The following NHSL1 variants were observed in gnomAD, a reference collection of about 807,000 sequenced individuals.
NHSL1 encodes the protein NHS like 1.
Under a neutral mutation model 95.0 loss-of-function variants are expected in NHSL1, and 48 were observed. The ratio of observed to expected loss-of-function variants is 0.51; its 90% CI spans 0.40 to 0.64. The LOEUF (loss-of-function observed/expected upper bound fraction) is 0.64. Among genes scored for constraint, NHSL1 ranks in the 30% least tolerant of loss-of-function variants. NHSL1 has a pLI of 0.00. For synonymous variants in NHSL1, 783 were observed against 833.9 expected (o/e 0.94, Z 1.05); for missense variants, 1,971 against 2,077.7 (o/e 0.95, Z 1.00).
At chr6:138,655,373 C>T (rs560584540) in intron 1 of NHSL1, among the ~76,000 whole-genome samples, 4 of 152,268 alleles carry the variant, frequency 2.6e-5, no homozygotes, top group South Asian at 4.1e-4. Flanking sequence ...AGTTACCAAC[C>T]GCTCTCCCGC....
At chr6:138,591,281 T>C (rs2114524515) in intron 1 of NHSL1, among the ~76,000 whole-genome samples, 1 of 152,368 alleles carries the variant, frequency 6.6e-6, no homozygotes, top group African/African-American at 2.4e-5. Flanking sequence ...AGTTTTCAAA[T>C]ATTATTTAAA....
Position 138,692,464 on chromosome 6 carries a change from C to T in NHSL1, c.96+12G>A, listed in dbSNP as rs1424356559. On this transcript the variant is annotated intron_variant, in intron 1 of 3. Coordinates refer to the NHSL1 transcript ENST00000491526. This position sits in a 1 kb window ranked among gnomAD's most constrained non-coding sequence, Gnocchi z 4.0. ...CCGCCGGTTCCCCTCCCCCGGCCCGCCGGCCACTCACGGATTTTCACTCGG... is the reference window on the plus strand; with the variant it reads ...CCGCCGGTTCCCCTCCCCCGGCCCGTCGGCCACTCACGGATTTTCACTCGG... The T allele has an allele frequency of 9.8e-6, 2 of 204,678 alleles. No individual in the cohort carries two copies. The highest frequency in any genetic ancestry group is 1.9e-5 in the Non-Finnish European group (2 of 103,090). The allele number at this position is 204,678 out of a possible 1,614,324, so 12.7% of individuals were successfully genotyped here.
Position 138,431,731 on chromosome 6 carries a change from C to T in NHSL1, c.2614G>A (p.Val872Met), listed in dbSNP as rs2128198679. ...LTPVPVFLKS[V>M]SPANGKGKPK... Reference sequence around the variant, plus strand: ...TTCCCCTTCCCGTTTGCTGGTGACACTGATTTTAAAAACACAGGCACAGGG... The same window carrying T: ...TTCCCCTTCCCGTTTGCTGGTGACATTGATTTTAAAAACACAGGCACAGGG... The change falls in exon 6 of 8, where the codon GTG becomes ATG. Residue 872 changes from valine to methionine, a missense_variant. Coordinates refer to ENST00000343505, the MANE Select transcript of NHSL1 (RefSeq NM_001144060.2). The surrounding 1 kb of genome is among the most constrained non-coding windows in gnomAD (Gnocchi z 4.0). 6.4e-7 allele frequency: 1 copy of T among 1,551,778 alleles called. No individual in the cohort carries two copies. The highest frequency in any genetic ancestry group is 1.4e-5 in the African/African-American group (1 of 73,172).
At position 138,431,694 on chromosome 6, in the gene NHSL1, T is replaced by C. The variant is rs1337268793; in HGVS notation, c.2651A>G (p.Lys884Arg). 1.5e-5 allele frequency: 23 copies of C among 1,551,742 alleles called. No individual in the cohort carries two copies. The highest frequency in any genetic ancestry group is 1.7e-4 in the Middle Eastern group (1 of 5,992). ...PANGKGKPKP[K>R]VPERKSSLIS... ...CAGAGAGGACTTCCTTTCTGGTACC[T>C]TGGGCTTGGGCTTCCCCTTCCCGTT... Residue 884 changes from lysine to arginine, a missense_variant, in exon 6 of 8, where the codon AAG becomes AGG. By Grantham distance (26) the Lys-to-Arg change is conservative (BLOSUM62 2). Around this residue, in one of 3 missense-constraint regions of NHSL1, gnomAD observed 1,602 missense variants for 1,654.5 expected, o/e 0.97. Transcript: ENST00000343505. The surrounding 1 kb of genome is among the most constrained non-coding windows in gnomAD (Gnocchi z 4.0).
chr6:138,613,783 C>G (rs1285153949), intron 1 of NHSL1, among the ~76,000 whole-genome samples: 3 of 152,122 alleles, frequency 2.0e-5, no homozygotes, highest in African/African-American at 7.2e-5. Context: ...AGAGGGGAAG[C>G]GAATTAGGCT....
At chr6:138,453,972 G>T (rs996647903) in intron 3 of NHSL1, among the ~76,000 whole-genome samples, 1 of 152,164 alleles carries the variant, frequency 6.6e-6, no homozygotes, top group Non-Finnish European at 1.5e-5. Flanking sequence ...TGTTTAAACT[G>T]ATACAGTAAG....
At chr6:138,500,851 C>T (rs1780638176), upstream of NHSL1, among the ~76,000 whole-genome samples, 1 of 152,186 alleles carries the variant, frequency 6.6e-6, no homozygotes, top group Non-Finnish European at 1.5e-5. Context: ...TCTTATCATA[C>T]ATATTATCAC....
chr6:138,575,069 T>C (rs955818422), upstream of NHSL1, among the ~76,000 whole-genome samples: 1 of 152,042 alleles, frequency 6.6e-6, no homozygotes, highest in African/African-American at 2.4e-5. Context: ...CCAGCTAATT[T>C]TGTATTTTTA....
chr6:138,673,638 T>G (rs1292953825), intron 1 of NHSL1, among the ~76,000 whole-genome samples: 2 of 152,158 alleles, frequency 1.3e-5, no homozygotes, highest in African/African-American at 2.4e-5. Flanking sequence ...GAAAGAAAAA[T>G]GTGACCTCTC....
At chr6:138,455,507 A>ATGCTCCCTGCAAGGAGCCCCGCCTTCG (rs1777539739) in intron 3 of NHSL1, among the ~76,000 whole-genome samples, 4 of 72,684 alleles carry the variant, frequency 5.5e-5, no homozygotes, top group Admixed American at 1.5e-4. Context: ...CCCCGCCTTC[A>ATGCTCCCTGCAAGGAGCCCCGCCTTCG]CATGCTCCCT....
At chr6:138,542,182 G>A (rs1222085927) in intron 1 of NHSL1, among the ~76,000 whole-genome samples, 2 of 152,188 alleles carry the variant, frequency 1.3e-5, no homozygotes, top group Non-Finnish European at 2.9e-5. Context: ...GCGGTAGGAA[G>A]AGGGGCAGAA....
chr6:138,645,482 T>A (rs1057341227), intron 1 of NHSL1, among the ~76,000 whole-genome samples: 1 of 152,028 alleles, frequency 6.6e-6, no homozygotes, highest in Non-Finnish European at 1.5e-5. Context: ...AATATTGACT[T>A]TTTGTTATTG....
rs551563720 is a variant in NHSL1 at position 138,531,088 on chromosome 6, G to T, written c.16+14535C>A. 7.9e-5 allele frequency among the ~76,000 whole-genome samples: 12 copies of T among 152,298 alleles called. No individual in the cohort carries two copies. In the East Asian group the frequency reaches 2.3e-3, roughly 29 times the overall value. On this transcript the variant is annotated intron_variant, in intron 1 of 4. Transcript: ENST00000342260. ...GAGGAACCTCACCAGAATTCATGCT[G>T]ATACCTTGATCTCAGACTTCCAGCC...
chr6:138,668,498 T>C (rs1307419066), intron 1 of NHSL1, among the ~76,000 whole-genome samples: 1 of 152,092 alleles, frequency 6.6e-6, no homozygotes, highest in Non-Finnish European at 1.5e-5. Flanking sequence ...CATTTCACCA[T>C]ATATACATTA....
At chr6:138,524,991 G>A (rs958514750) in intron 1 of NHSL1, among the ~76,000 whole-genome samples, 2 of 152,152 alleles carry the variant, frequency 1.3e-5, no homozygotes, top group Non-Finnish European at 2.9e-5. Flanking sequence ...AAAGGATCTT[G>A]AAAGGATATG....
intron 1 of NHSL1, among the ~76,000 whole-genome samples, chr6:138,642,686 G>A (rs1784972819): frequency 6.6e-6 from 1 of 152,148 alleles, no homozygotes; most frequent in South Asian, 2.1e-4. Flanking sequence ...GTGGAAGGAT[G>A]TTTTAGAGAA....
chr6:138,525,528 A>AAAATAAATAAAT (rs141195256), intron 1 of NHSL1, among the ~76,000 whole-genome samples: 6 of 139,612 alleles, frequency 4.3e-5, no homozygotes, highest in Non-Finnish European at 6.2e-5. Flanking sequence ...ACCTTGTCTC[A>AAAATAAATAAAT]AAATAAATAA....
chr6:138,471,946 A>G (rs915800134), intron 3 of NHSL1, among the ~76,000 whole-genome samples: 4 of 151,678 alleles, frequency 2.6e-5, no homozygotes, highest in Admixed American at 6.6e-5. Context: ...TGGGAGGCTG[A>G]GGTGGGCAGA....
intron 1 of NHSL1, among the ~76,000 whole-genome samples, chr6:138,594,910 T>C (rs148128436): frequency 1.3e-5 from 2 of 152,346 alleles, no homozygotes; most frequent in Non-Finnish European, 2.9e-5. Flanking sequence ...CCGCCTGCTG[T>C]GGTTAGCTGG....
Sources: allele counts gnomAD v4.1 joint callset (sites outside exome capture counted in the v4.1 genomes callset), GRCh38; gene constraint gnomAD v4.1.1; regional missense constraint gnomAD v4.1.1; non-coding constraint Gnocchi (gnomAD v3.1); transcripts MANE v1.5; gene names NCBI Gene and HGNC (gene_info 2026-07-23, HGNC 2026-07-21).